The following RANBP17 variants were observed in gnomAD, a reference collection of about 807,000 sequenced individuals.
RANBP17 encodes the protein ran-binding protein 17.
RANBP17 carries 158 observed loss-of-function variants against 141.2 expected under a neutral mutation model. That is an observed-to-expected ratio of 1.12 (90% CI 0.98 to 1.28). RANBP17 has a LOEUF of 1.28. Ranked by LOEUF, RANBP17 falls within the 50% of genes most tolerant of loss-of-function variation. The pLI, the probability that RANBP17 is intolerant of heterozygous loss-of-function variation, is 0.00. For missense variants in RANBP17, 1,438 were observed against 1,290.7 expected (o/e 1.11, Z -1.75); for synonymous variants, 430 against 450.0 (o/e 0.96, Z 0.56).
Position 170,988,432 on chromosome 5 carries a change from G to A in RANBP17, c.1710+20055G>A, listed in dbSNP as rs1165864926. 2.0e-5 allele frequency among the ~76,000 whole-genome samples: 3 copies of A among 150,878 alleles called. No homozygotes were observed. The East Asian group carries it at 5.9e-4, about 30-fold the overall frequency. On this transcript the variant is annotated intron_variant, in intron 14 of 27. Transcript: ENST00000523189. ...ATAAATGAAATACCATGTAGTATGTGACTAAATACCCAAATACCAAGTAGA... is the reference window on the plus strand; with the variant it reads ...ATAAATGAAATACCATGTAGTATGTAACTAAATACCCAAATACCAAGTAGA...
At chr5:170,903,907 T>C (rs535777673) in intron 5 of RANBP17, 6 of 523,116 alleles carry the variant, frequency 1.1e-5, no homozygotes, top group South Asian at 7.6e-5. Flanking sequence ...AGCATGAATT[T>C]AGTTCCTTTT....
At position 171,283,447 on chromosome 5, in the gene RANBP17, C is replaced by G. The variant is rs902553391; in HGVS notation, c.2944-10436C>G. Among the ~76,000 whole-genome samples, 3 of 152,332 alleles carry G rather than the reference C, an allele frequency of 2.0e-5. No individual in the cohort carries two copies. In the South Asian group the frequency reaches 6.2e-4, roughly 32 times the overall value. On this transcript the variant is annotated intron_variant, in intron 25 of 27. Coordinates refer to ENST00000523189, the MANE Select transcript of RANBP17 (RefSeq NM_022897.5). ...TGTAATTATTAGGGAAAAAGAGCTT[C>G]CAAATCTCAGTAGCGTCTTTGAATC...
At chr5:170,944,897 A>G (rs1774624648) in intron 12 of RANBP17, among the ~76,000 whole-genome samples, 1 of 152,208 alleles carries the variant, frequency 6.6e-6, no homozygotes, top group African/African-American at 2.4e-5. Flanking sequence ...ATATTTAGAT[A>G]CTTTACTCAT....
chr5:171,267,418 A>C (rs1766792213), intron 25 of RANBP17, among the ~76,000 whole-genome samples: 1 of 152,116 alleles, frequency 6.6e-6, no homozygotes, highest in African/African-American at 2.4e-5. Flanking sequence ...TCTTTTGCCA[A>C]ATTACATCCA....
At chr5:171,292,516 A>G (rs1200119029) in intron 25 of RANBP17, among the ~76,000 whole-genome samples, 1 of 152,232 alleles carries the variant, frequency 6.6e-6, no homozygotes, top group Non-Finnish European at 1.5e-5. Flanking sequence ...ATTTCAAAAA[A>G]TACCAGAGGA....
At chr5:170,876,651 G>T (rs547932707) in intron 1 of RANBP17, among the ~76,000 whole-genome samples, 3 of 152,046 alleles carry the variant, frequency 2.0e-5, no homozygotes, top group Admixed American at 6.6e-5. Context: ...ATGTAGTTAG[G>T]GAAATGGAAA....
chr5:170,909,301 A>G (rs981516639), intron 5 of RANBP17, among the ~76,000 whole-genome samples: 10 of 151,916 alleles, frequency 6.6e-5, no homozygotes, highest in African/African-American at 2.4e-4. Context: ...TTTCTTATTC[A>G]TAGACAAAGT....
At chr5:170,981,733 C>G (rs925593141) in intron 14 of RANBP17, among the ~76,000 whole-genome samples, 2 of 152,086 alleles carry the variant, frequency 1.3e-5, no homozygotes, top group Non-Finnish European at 2.9e-5. Context: ...CGGACTAATA[C>G]AGTATGTTAG....
intron 15 of RANBP17, 21 bp from the exon 16 acceptor site, chr5:171,171,185 A>C (rs746223177): frequency 7.4e-7 from 1 of 1,353,180 alleles, no homozygotes; most frequent in South Asian, 1.2e-5. Context: ...CTTATAATTA[A>C]AGACTTTTTT....
intron 22 of RANBP17, among the ~76,000 whole-genome samples, chr5:171,229,290 G>A (rs1764062899): frequency 6.6e-6 from 1 of 152,220 alleles, no homozygotes; most frequent in South Asian, 2.1e-4. Context: ...TCAGGATCAG[G>A]TGGCTTACAA....
intron 25 of RANBP17, among the ~76,000 whole-genome samples, chr5:171,268,331 G>C (rs545016039): frequency 6.6e-6 from 1 of 152,216 alleles, no homozygotes; most frequent in South Asian, 2.1e-4. Flanking sequence ...ATGGATATCA[G>C]CATCCCCATT....
At chr5:170,950,373 T>TA (rs550294431) in intron 12 of RANBP17, among the ~76,000 whole-genome samples, 53 of 146,160 alleles carry the variant, frequency 3.6e-4, no homozygotes, top group Non-Finnish European at 6.8e-4. Context: ...CAAATAACAG[T>TA]AAAAAAAACA....
At chr5:171,161,651 T>A (rs1478006718) in intron 14 of RANBP17, among the ~76,000 whole-genome samples, 1 of 152,254 alleles carries the variant, frequency 6.6e-6, no homozygotes, top group Non-Finnish European at 1.5e-5. Flanking sequence ...GCCAAAGGTT[T>A]AGTAGTCCAC....
At chr5:171,025,688 T>G (rs1781190919) in intron 14 of RANBP17, among the ~76,000 whole-genome samples, 1 of 151,906 alleles carries the variant, frequency 6.6e-6, no homozygotes, top group Admixed American at 6.6e-5. Flanking sequence ...CAATTCTCTG[T>G]GCCAAAGCCT....
chr5:170,917,692 A>G (rs1182393128), intron 9 of RANBP17, among the ~76,000 whole-genome samples: 1 of 152,042 alleles, frequency 6.6e-6, no homozygotes, highest in African/African-American at 2.4e-5. Flanking sequence ...GATAAAGAGG[A>G]TTTTACCAAT....
chr5:171,240,837 T>C lies in RANBP17; in HGVS notation c.2423-91T>C, dbSNP rs1045244967. On this transcript the variant is annotated intron_variant, in intron 22 of 27. Transcript: ENST00000523189. ...AAATATGCTGGGAGGAAGTGAACAT[T>C]AGCAGTAAAGTAAAAATGTTAAATA... 8.0e-6 allele frequency: 6 copies of C among 749,584 alleles called. No homozygotes were observed. In the African/African-American group the frequency reaches 8.7e-5, roughly 11 times the overall value. 46.4% of individuals were successfully genotyped at this position (749,584 alleles called of 1,614,324 possible).
intron 8 of RANBP17, among the ~76,000 whole-genome samples, chr5:170,914,690 C>G (rs544812742): frequency 6.6e-6 from 1 of 152,288 alleles, no homozygotes; most frequent in African/African-American, 2.4e-5. Flanking sequence ...GATCTACTCA[C>G]TTGAATTGTG....
At chr5:171,114,088 A>G (rs1030535188) in intron 14 of RANBP17, among the ~76,000 whole-genome samples, 1 of 152,140 alleles carries the variant, frequency 6.6e-6, no homozygotes, top group Non-Finnish European at 1.5e-5. Context: ...AATTTCTAAT[A>G]TGGTAAATAT....
At chr5:171,063,619 C>G (rs1466519321) in intron 14 of RANBP17, among the ~76,000 whole-genome samples, 1 of 152,210 alleles carries the variant, frequency 6.6e-6, no homozygotes, top group Non-Finnish European at 1.5e-5. Flanking sequence ...GGGTCAGGGA[C>G]CGACTTGAGG....
Sources: gnomAD v4.1 joint callset for allele counts (sites outside exome capture counted in the v4.1 genomes callset) on GRCh38, gnomAD v4.1.1 for gene constraint, MANE v1.5 for transcripts, NCBI Gene and HGNC (gene_info 2026-07-23, HGNC 2026-07-21) for gene names.